The following MAP2K5 variants were observed in gnomAD, a reference collection of about 807,000 sequenced individuals.
MAP2K5 encodes the protein mitogen-activated protein kinase kinase 5.
Under a neutral mutation model 83.1 loss-of-function variants are expected in MAP2K5, and 49 were observed. That is an observed-to-expected ratio of 0.59 (90% CI 0.47 to 0.75). The LOEUF (loss-of-function observed/expected upper bound fraction) is 0.75, where lower values mean the gene tolerates loss of function less well. MAP2K5 is among the 30% of genes least tolerant of loss of function. The probability of loss-of-function intolerance (pLI) is 0.00; values close to 1 mark genes in which losing one functional copy is unlikely to be tolerated. For synonymous variants in MAP2K5, 202 were observed against 191.8 expected (o/e 1.05, Z -0.44); for missense variants, 457 against 557.5 (o/e 0.82, Z 1.82).
At chr15:67,624,101 A>G (rs1002011632) in intron 8 of MAP2K5, among the ~76,000 whole-genome samples, 81 of 151,170 alleles carry the variant, frequency 5.4e-4, no homozygotes, top group African/African-American at 1.9e-3. Context: ...GCACTTTGGG[A>G]GGCCAAGGAG....
In MAP2K5 at chr15:67,702,810, G is replaced by C. The variant is rs776523991; in HGVS notation, c.973-527G>C. 3.9e-5 allele frequency among the ~76,000 whole-genome samples: 6 copies of C among 152,110 alleles called. No individual in the cohort carries two copies. The highest frequency in any genetic ancestry group is 5.9e-5 in the Non-Finnish European group (4 of 68,014). The stretch of plus-strand genomic sequence containing the variant: ...CAGATGAATCTGGGTAAAGGAAATA[G>C]GAATGTGTATTGCTCTGATCTCATT... On this transcript the variant is annotated intron_variant, in intron 15 of 21. Coordinates refer to ENST00000178640, the MANE Select transcript of MAP2K5 (RefSeq NM_145160.3). This position sits in a 1 kb window ranked among gnomAD's most constrained non-coding sequence, Gnocchi z 4.6.
At chr15:67,590,274 C>G (rs2085370148) in intron 6 of MAP2K5, among the ~76,000 whole-genome samples, 1 of 152,094 alleles carries the variant, frequency 6.6e-6, no homozygotes, top group South Asian at 2.1e-4. Context: ...AAAATGTGAT[C>G]AAACTTGAAG....
At chr15:67,715,104 G>A (rs909030867) in intron 16 of MAP2K5, among the ~76,000 whole-genome samples, 11 of 152,206 alleles carry the variant, frequency 7.2e-5, no homozygotes, top group Non-Finnish European at 1.3e-4. Flanking sequence ...CCTTGTCATG[G>A]GTCCTCCCCT....
At chr15:67,737,600 C>T (rs963395301) in intron 17 of MAP2K5, among the ~76,000 whole-genome samples, 1 of 152,034 alleles carries the variant, frequency 6.6e-6, no homozygotes, top group Non-Finnish European at 1.5e-5. Context: ...AGAGCTGATT[C>T]GATTTAGGGC....
At chr15:67,694,296 C>T (rs2088189972) in intron 15 of MAP2K5, among the ~76,000 whole-genome samples, 1 of 151,992 alleles carries the variant, frequency 6.6e-6, no homozygotes, top group Non-Finnish European at 1.5e-5. Flanking sequence ...AATTTTGGAG[C>T]AAAGTTTTGT....
At chr15:67,685,396 G>T (rs1189490835) in intron 13 of MAP2K5, among the ~76,000 whole-genome samples, 1 of 152,016 alleles carries the variant, frequency 6.6e-6, no homozygotes, top group East Asian at 1.9e-4. Flanking sequence ...TTTTTCAGAT[G>T]AATATGAGAG....
intron 19 of MAP2K5, among the ~76,000 whole-genome samples, chr15:67,753,575 A>G (rs971364503): frequency 3.9e-5 from 6 of 152,246 alleles, no homozygotes; most frequent in African/African-American, 7.2e-5. Flanking sequence ...CAAATGGTCA[A>G]TAAGCACATG....
rs1009150421 is a variant in MAP2K5, at chr15:67,792,456, T to C, written c.1243-14190T>C. 4.6e-5 allele frequency among the ~76,000 whole-genome samples: 7 copies of C among 152,114 alleles called. No individual in the cohort carries two copies. In the South Asian group the frequency reaches 6.2e-4, roughly 14 times the overall value. Reference sequence around the variant, plus strand: ...TATCAAGAAAACCAGAAGTGACAAGTTCATTTAAAAAGCCTGGTTTGTCAT... The same window carrying C: ...TATCAAGAAAACCAGAAGTGACAAGCTCATTTAAAAAGCCTGGTTTGTCAT... On this transcript the variant is annotated intron_variant, in intron 21 of 21. Transcript: ENST00000178640.
chr15:67,655,366 T>C (rs976342419), intron 11 of MAP2K5, among the ~76,000 whole-genome samples: 1 of 152,210 alleles, frequency 6.6e-6, no homozygotes, highest in African/African-American at 2.4e-5. Flanking sequence ...TCTGAAAGAC[T>C]GTATTTTATT....
rs2090560955 is a variant in MAP2K5 at position 67,793,947 on chromosome 15, T to A, written c.1243-12699T>A. Among the ~76,000 whole-genome samples, 2 of 152,286 alleles carry A rather than the reference T, an allele frequency of 1.3e-5. No homozygotes were observed. The highest frequency in any genetic ancestry group is 4.1e-4 in the South Asian group (2 of 4,826). On this transcript the variant is annotated intron_variant, in intron 21 of 21. Transcript: ENST00000178640. The surrounding 1 kb of genome is among the most constrained non-coding windows in gnomAD (Gnocchi z 4.6). ...AGGCACATAGAAACCGCTCCACACATCCATAGTGAATCTTATTGAATTAAA... is the reference window on the plus strand; with the variant it reads ...AGGCACATAGAAACCGCTCCACACAACCATAGTGAATCTTATTGAATTAAA...
chr15:67,796,061 A>T (rs2090599337), intron 21 of MAP2K5, among the ~76,000 whole-genome samples: 2 of 152,238 alleles, frequency 1.3e-5, no homozygotes, highest in East Asian at 1.9e-4. Context: ...ATGTTTGATT[A>T]TCCTTTACTT....
intron 16 of MAP2K5, among the ~76,000 whole-genome samples, chr15:67,705,602 G>A (rs969283857): frequency 2.6e-5 from 4 of 152,082 alleles, no homozygotes; most frequent in Admixed American, 2.0e-4. Context: ...TGGGTGTGGT[G>A]GTGTACACCT....
intron 11 of MAP2K5, among the ~76,000 whole-genome samples, chr15:67,651,267 A>G (rs1206653586): frequency 6.6e-6 from 1 of 152,230 alleles, no homozygotes; most frequent in Non-Finnish European, 1.5e-5. Flanking sequence ...GTACATATTT[A>G]TGGAGTACAT....
At chr15:67,695,372 C>T (rs1336058545) in intron 15 of MAP2K5, among the ~76,000 whole-genome samples, 1 of 152,060 alleles carries the variant, frequency 6.6e-6, no homozygotes, top group Non-Finnish European at 1.5e-5. Context: ...CATTCAGATA[C>T]CAGAATAGCT....
intron 21 of MAP2K5, among the ~76,000 whole-genome samples, chr15:67,805,622 G>A (rs1186557087): frequency 1.3e-5 from 2 of 152,072 alleles, no homozygotes; most frequent in African/African-American, 4.8e-5. Context: ...GCGAGGAAGC[G>A]GCCGCTGGAC....
rs113022716 is a variant in MAP2K5, at chr15:67,554,750, C to T, written c.184+4668C>T. ...CGATGTTTTATTCCACTCTTTCTCT[C>T]TTCTTAGTAATGAGCTTGCTGCCTT... is the stretch of plus-strand genomic sequence containing the variant. On this transcript the variant is annotated intron_variant, in intron 2 of 21. Coordinates refer to ENST00000178640, the MANE Select transcript of MAP2K5 (RefSeq NM_145160.3). Among the ~76,000 whole-genome samples the T allele has an allele frequency of 5.0e-3, 754 of 152,306 alleles. 12 individuals carry two copies. Among genetic ancestry groups the T allele is most frequent in the African/African-American group, 0.017 (716 of 41,554 alleles).
At chr15:67,614,791 C>T (rs766316003) in intron 8 of MAP2K5, among the ~76,000 whole-genome samples, 32 of 152,036 alleles carry the variant, frequency 2.1e-4, no homozygotes, top group Non-Finnish European at 3.4e-4. Flanking sequence ...GGTATATAGC[C>T]GGAGTAAACA....
In MAP2K5 at chr15:67,600,752, G is replaced by A; in HGVS notation, c.545+3G>A. The A allele has an allele frequency of 6.3e-7, 1 of 1,595,530 alleles. No homozygotes were observed. The highest frequency in any genetic ancestry group is 8.5e-7 in the Non-Finnish European group (1 of 1,173,476). On this transcript the variant is annotated splice_donor_region_variant and intron_variant, in intron 8 of 21. Transcript: ENST00000178640. ...GGCAACGGAGGCACAGTCTACAAGT[G>A]AGTAGTCAATTTTGTTTAAACTTTC... is the stretch of plus-strand genomic sequence containing the variant.
chr15:67,747,532 A>G lies in MAP2K5; in HGVS notation c.1075-699A>G, dbSNP rs1469224058. 6.6e-6 allele frequency among the ~76,000 whole-genome samples: 1 copy of G among 152,220 alleles called. No individual in the cohort carries two copies. The highest frequency in any genetic ancestry group is 2.4e-5 in the African/African-American group (1 of 41,444). ...AGTAGCTTTGTAAGAAATGCAGTTT[A>G]TCAGTGTTAAATGTGTGAGCAGCCT... On this transcript the variant is annotated intron_variant, in intron 17 of 21. Coordinates refer to ENST00000178640, the MANE Select transcript of MAP2K5 (RefSeq NM_145160.3). The surrounding 1 kb of genome is among the most constrained non-coding windows in gnomAD (Gnocchi z 4.1).
Sources: allele counts gnomAD v4.1 joint callset (sites outside exome capture counted in the v4.1 genomes callset), GRCh38; gene constraint gnomAD v4.1.1; non-coding constraint Gnocchi (gnomAD v3.1); transcripts MANE v1.5; gene names NCBI Gene and HGNC (gene_info 2026-07-23, HGNC 2026-07-21).